The following KIRREL3 variants were observed in gnomAD, a reference collection of about 807,000 sequenced individuals.
KIRREL3 encodes kirre like nephrin family adhesion molecule 3.
In KIRREL3, 36 loss-of-function variants were observed where a neutral mutation model predicts 89.7. The ratio of observed to expected loss-of-function variants is 0.40; its 90% CI spans 0.31 to 0.53. The LOEUF (loss-of-function observed/expected upper bound fraction) is 0.53. Among genes scored for constraint, KIRREL3 ranks in the 20% least tolerant of loss-of-function variants. The pLI is 0.49. For synonymous variants in KIRREL3, 445 were observed against 441.4 expected (o/e 1.01, Z -0.10); for missense variants, 864 against 1,056.6 (o/e 0.82, Z 2.53).
intron 1 of KIRREL3, among the ~76,000 whole-genome samples, chr11:126,713,426 A>G (rs1283218948): frequency 6.6e-6 from 1 of 152,192 alleles, no homozygotes; most frequent in Non-Finnish European, 1.5e-5. Context: ...CATTCTTAGA[A>G]GTTTGGACGT....
At chr11:126,505,439 T>C (rs1344863302) in intron 4 of KIRREL3, among the ~76,000 whole-genome samples, 6 of 152,064 alleles carry the variant, frequency 3.9e-5, no homozygotes, top group Admixed American at 2.6e-4. Context: ...GGCGTGGTGG[T>C]GGATGCCTGT....
At chr11:126,591,582 C>T (rs1008602093) in intron 1 of KIRREL3, among the ~76,000 whole-genome samples, 1 of 152,188 alleles carries the variant, frequency 6.6e-6, no homozygotes, top group Non-Finnish European at 1.5e-5. Flanking sequence ...CTGCCTTGCA[C>T]CTGGACCTGA....
intron 11 of KIRREL3, among the ~76,000 whole-genome samples, chr11:126,438,031 C>G (rs1490183521): frequency 1.3e-5 from 2 of 152,232 alleles, no homozygotes; most frequent in Non-Finnish European, 2.9e-5. Context: ...CACACATACT[C>G]TGGGGCATCC....
chr11:126,760,184 T>C (rs1201751314), intron 1 of KIRREL3, among the ~76,000 whole-genome samples: 2 of 152,218 alleles, frequency 1.3e-5, no homozygotes, highest in Non-Finnish European at 2.9e-5. Flanking sequence ...CTCCTGTCTG[T>C]CTGGGGGTCA....
At chr11:126,650,265 G>T (rs1490056010) in intron 1 of KIRREL3, among the ~76,000 whole-genome samples, 1 of 152,218 alleles carries the variant, frequency 6.6e-6, no homozygotes, top group Non-Finnish European at 1.5e-5. Context: ...TCATCGTGGG[G>T]ATTAACATTC....
rs910577585 is a variant in KIRREL3 at position 126,981,043 on chromosome 11, G to A, written c.55+19412C>T. On this transcript the variant is annotated intron_variant, in intron 1 of 16. Transcript: ENST00000525144. This position sits in a 1 kb window ranked among gnomAD's most constrained non-coding sequence, Gnocchi z 4.2. ...TGGTATACTTAGATCTCTGTACCGT[G>A]GACTATCATTATTCAATTTAAATTG... Among the ~76,000 whole-genome samples, 1 of 152,066 alleles carries A rather than the reference G, an allele frequency of 6.6e-6. No individual in the cohort carries two copies. Among genetic ancestry groups the A allele is most frequent in the Non-Finnish European group, 1.5e-5 (1 of 68,016 alleles).
In KIRREL3 at chr11:126,627,291, G is replaced by A. The variant is rs1283853015; in HGVS notation, c.56-64379C>T. 1.3e-5 allele frequency among the ~76,000 whole-genome samples: 2 copies of A among 152,202 alleles called. No individual in the cohort carries two copies. On this transcript the variant is annotated intron_variant, in intron 1 of 16. Transcript: ENST00000525144. The surrounding 1 kb of genome is among the most constrained non-coding windows in gnomAD (Gnocchi z 5.0). ...TGCTGAGGATTCCTGGGGGAGATGAGGAAGGAGACAGAGGCTGGAGCAGGT... is the reference window on the plus strand; with the variant it reads ...TGCTGAGGATTCCTGGGGGAGATGAAGAAGGAGACAGAGGCTGGAGCAGGT...
In KIRREL3 at chr11:126,424,726, C is replaced by T. The variant is rs119462980; in HGVS notation, c.2191G>A (p.Val731Ile). The T allele has an allele frequency of 1.5e-5, 24 of 1,613,930 alleles. No individual in the cohort carries two copies. Among genetic ancestry groups the T allele is most frequent in the Middle Eastern group, 3.3e-4 (2 of 6,084 alleles). The change falls in exon 17 of 17, where the codon GTC becomes ATC. Residue 731 changes from valine (V) to isoleucine (I), a missense_variant. Transcript: ENST00000525144. ...SFLDTQCDSS[V>I]SSSGKQDGYV... ...CCATCCTGCTTGCCGCTGCTGCTGACGCTGCTGTCACACTGCGTGTCCAGG... is the reference window on the plus strand; with the variant it reads ...CCATCCTGCTTGCCGCTGCTGCTGATGCTGCTGTCACACTGCGTGTCCAGG...
intron 1 of KIRREL3, among the ~76,000 whole-genome samples, chr11:126,975,088 G>GT (rs1374988230): frequency 1.3e-5 from 2 of 152,058 alleles, no homozygotes; most frequent in Non-Finnish European, 2.9e-5. Context: ...GGGATTACAG[G>GT]TGTGAGCCAC....
Position 126,565,205 on chromosome 11 carries a change from T to G in KIRREL3, c.56-2293A>C, listed in dbSNP as rs974966287. ...GAAGGGCGAACAATTCTCTTACAGATTTAGAGAGTGTGAGCAATCTGTTGA... is the reference window on the plus strand; with the variant it reads ...GAAGGGCGAACAATTCTCTTACAGAGTTAGAGAGTGTGAGCAATCTGTTGA... On this transcript the variant is annotated intron_variant, in intron 1 of 16. Coordinates refer to ENST00000525144, the MANE Select transcript of KIRREL3 (RefSeq NM_032531.4). This position sits in a 1 kb window ranked among gnomAD's most constrained non-coding sequence, Gnocchi z 5.4. Among the ~76,000 whole-genome samples the G allele has an allele frequency of 3.3e-5, 5 of 152,088 alleles. No individual in the cohort carries two copies. The highest frequency in any genetic ancestry group is 4.8e-5 in the African/African-American group (2 of 41,406).
At chr11:126,828,514 T>C (rs185405970) in intron 1 of KIRREL3, among the ~76,000 whole-genome samples, 5 of 152,316 alleles carry the variant, frequency 3.3e-5, no homozygotes, top group Admixed American at 1.3e-4. Context: ...GGTTGTCTAA[T>C]GTGATTGGTA....
rs565740960 is a variant in KIRREL3, at chr11:126,714,868, T to A, written c.56-151956A>T. On this transcript the variant is annotated intron_variant, in intron 1 of 16. Transcript: ENST00000525144. ...TCCCTGAGCTGCCTGAGGTGGGGGCTTATGTACCAAATCCCACCATAGAGA... is the reference window on the plus strand; with the variant it reads ...TCCCTGAGCTGCCTGAGGTGGGGGCATATGTACCAAATCCCACCATAGAGA... Among the ~76,000 whole-genome samples, 160 of 152,286 alleles carry A rather than the reference T, an allele frequency of 1.1e-3. 2 individuals carry two copies. In the South Asian group the frequency reaches 0.024, roughly 23 times the overall value.
chr11:126,509,956 C>A (rs1958151354), intron 4 of KIRREL3, among the ~76,000 whole-genome samples: 1 of 121,686 alleles, frequency 8.2e-6, no homozygotes, highest in Non-Finnish European at 1.6e-5. Flanking sequence ...CACTGCACTC[C>A]AGCCTGGACT....
At chr11:126,787,202 C>T (rs577545043) in intron 1 of KIRREL3, among the ~76,000 whole-genome samples, 9 of 152,108 alleles carry the variant, frequency 5.9e-5, no homozygotes, top group Non-Finnish European at 1.2e-4. Context: ...TGGAGCCAAT[C>T]AACCCCCACA....
In KIRREL3 at chr11:126,628,166, C is replaced by T. The variant is rs1340429377; in HGVS notation, c.56-65254G>A. 1.3e-5 allele frequency among the ~76,000 whole-genome samples: 2 copies of T among 152,190 alleles called. No individual in the cohort carries two copies. Among genetic ancestry groups the T allele is most frequent in the Non-Finnish European group, 1.5e-5 (1 of 68,030 alleles). On this transcript the variant is annotated intron_variant, in intron 1 of 16. Transcript: ENST00000525144. This position sits in a 1 kb window ranked among gnomAD's most constrained non-coding sequence, Gnocchi z 5.2. Reference sequence around the variant, plus strand: ...GACTGGTCCCTCTGAACACACTTCGCCCACCCCTCCAAGGCTTCTGGCCTG... The same window carrying T: ...GACTGGTCCCTCTGAACACACTTCGTCCACCCCTCCAAGGCTTCTGGCCTG...
In KIRREL3 at chr11:126,467,645, A is replaced by T. The variant is rs532254976; in HGVS notation, c.592-4338T>A. 5.3e-3 allele frequency among the ~76,000 whole-genome samples: 758 copies of T among 143,978 alleles called. 3 individuals are homozygous for T. The highest frequency in any genetic ancestry group is 0.011 in the African/African-American group (396 of 37,080). 94.5% of individuals were successfully genotyped at this position (143,978 alleles called of 152,430 possible). A position where few individuals can be genotyped will look rare whatever the true frequency, so the allele number is the denominator to read the frequency against. On this transcript the variant is annotated intron_variant, in intron 5 of 16. Transcript: ENST00000525144. ...GCTGGGTCCCTTTTTTTTTTTTTTT[A>T]AAAAATCATGGCTCTGCTTCCCCTT...
intron 1 of KIRREL3, among the ~76,000 whole-genome samples, chr11:126,573,575 G>A (rs1227411311): frequency 6.6e-6 from 1 of 151,582 alleles, no homozygotes; most frequent in Non-Finnish European, 1.5e-5. Context: ...AATCCTCCTT[G>A]AGCCTTACAT....
At chr11:126,972,918 G>A (rs1456939686) in intron 1 of KIRREL3, among the ~76,000 whole-genome samples, 3 of 151,972 alleles carry the variant, frequency 2.0e-5, no homozygotes, top group African/African-American at 7.2e-5. Context: ...AGAAAAGAAC[G>A]AACAATGTGC....
chr11:126,582,153 G>A (rs1239603427), intron 1 of KIRREL3, among the ~76,000 whole-genome samples: 1 of 152,210 alleles, frequency 6.6e-6, no homozygotes, highest in Non-Finnish European at 1.5e-5. Flanking sequence ...GTGATACTGA[G>A]CCAATCGTGG....
Sources: allele counts gnomAD v4.1 joint callset (sites outside exome capture counted in the v4.1 genomes callset), GRCh38; gene constraint gnomAD v4.1.1; non-coding constraint Gnocchi (gnomAD v3.1); transcripts MANE v1.5; gene names NCBI Gene and HGNC (gene_info 2026-07-23, HGNC 2026-07-21).